Variants in BRCC3 observed in about 807,000 individuals in gnomAD.
BRCC3 encodes the protein lys-63-specific deubiquitinase BRCC36.
Under a neutral mutation model 28.0 loss-of-function variants are expected in BRCC3, and 15 were observed. That is an observed-to-expected ratio of 0.54 (90% CI 0.36 to 0.82). The LOEUF is 0.82. Among genes scored for constraint, BRCC3 ranks in the 40% least tolerant of loss-of-function variants. The probability of loss-of-function intolerance (pLI) is 0.01; values close to 1 mark genes in which losing one functional copy is unlikely to be tolerated. For synonymous variants in BRCC3, 66 were observed against 80.3 expected, an observed-to-expected ratio of 0.82 and a Z score of 0.95; for missense variants, 109 against 225.9, an observed-to-expected ratio of 0.48 and a Z score of 3.32.
chrX:155,086,533 A>G (rs1557294906), intron 5 of BRCC3, among the ~76,000 whole-genome samples: 1 of 106,227 alleles, frequency 9.4e-6, no homozygotes. Flanking sequence ...TTTTTTTTGC[A>G]TTTTGAGTAG....
At chrX:155,098,558 G>A (rs1285634008) in intron 7 of BRCC3, among the ~76,000 whole-genome samples, 2 of 111,934 alleles carry the variant, frequency 1.8e-5, no homozygotes, top group Non-Finnish European at 3.8e-5. Context: ...TGTAAATCAC[G>A]TTTTATTGGA....
At chrX:155,080,447 C>T (rs1738428717) in intron 5 of BRCC3, among the ~76,000 whole-genome samples, 1 of 75,288 alleles carries the variant, frequency 1.3e-5, no homozygotes, top group Non-Finnish European at 2.5e-5. Context: ...GGGAACATTT[C>T]AATCTTTATA....
chrX:155,098,256 G>T (rs782587455), intron 7 of BRCC3, among the ~76,000 whole-genome samples: 1 of 112,030 alleles, frequency 8.9e-6, no homozygotes, highest in Non-Finnish European at 1.9e-5. Context: ...TAGTAAGGCA[G>T]TTCTGATGTT....
intron 5 of BRCC3, 157 bp downstream of exon 5, chrX:155,078,860 AT>A: frequency 2.6e-6 from 1 of 388,364 alleles, no homozygotes; most frequent in Non-Finnish European, 4.5e-6. Context: ...AAAAGTAATG[AT>A]TTATGTCATA....
In BRCC3 at chrX:155,089,355, TTG is replaced by T; in HGVS notation, c.492+11_492+12del. On this transcript the variant is annotated splice_donor_5th_base_variant and intron_variant, in intron 6 of 10. Coordinates refer to ENST00000330045, the MANE Select transcript of BRCC3 (RefSeq NM_001018055.3). Reference sequence around the variant, plus strand: ...CATAGAAGATAAGAACACAAAGGTATTGTGTGTGCATGTGTGTGTGTGTGTGT... The same window carrying T: ...CATAGAAGATAAGAACACAAAGGTATTGTGTGCATGTGTGTGTGTGTGTGT... 1 of 1,109,466 alleles carries T rather than the reference TTG, an allele frequency of 9.0e-7. No homozygotes were observed. Among genetic ancestry groups the T allele is most frequent in the Non-Finnish European group, 1.2e-6 (1 of 819,177 alleles). 91.4% of individuals were successfully genotyped at this position (1,109,466 alleles called of 1,213,427 possible). A position where few individuals can be genotyped will look rare whatever the true frequency, so the allele number is the denominator to read the frequency against.
At chrX:155,115,480 G>C (rs1446925955) in intron 7 of BRCC3, among the ~76,000 whole-genome samples, 1 of 112,253 alleles carries the variant, frequency 8.9e-6, no homozygotes, top group Non-Finnish European at 1.9e-5. Flanking sequence ...GAGGTAGATT[G>C]GTTGGGCCTT....
chrX:155,075,725 T>C (rs1557293530), intron 3 of BRCC3, among the ~76,000 whole-genome samples: 1 of 112,499 alleles, frequency 8.9e-6, no homozygotes, highest in African/African-American at 3.2e-5. Flanking sequence ...AGTACTTCAT[T>C]GTTACTTCAT....
At chrX:155,112,917 TA>T (rs782475869) in intron 7 of BRCC3, among the ~76,000 whole-genome samples, 1 of 111,126 alleles carries the variant, frequency 9.0e-6, no homozygotes, top group African/African-American at 3.3e-5. Flanking sequence ...ATAAAATAAT[TA>T]GGCATAAACT....
intron 9 of BRCC3, among the ~76,000 whole-genome samples, 192 bp downstream of exon 9, chrX:155,116,946 A>G (rs1465874548): frequency 1.8e-5 from 2 of 111,866 alleles, no homozygotes; most frequent in African/African-American, 3.3e-5. Context: ...GAATACTATA[A>G]ATACAGCCTA....
At chrX:155,109,509 T>G (rs782717350) in intron 7 of BRCC3, among the ~76,000 whole-genome samples, 1 of 112,217 alleles carries the variant, frequency 8.9e-6, no homozygotes, top group South Asian at 3.6e-4. Context: ...ATTTAAATTA[T>G]TCTTGGGAAT....
At chrX:155,103,103 C>T (rs1198958314) in intron 7 of BRCC3, among the ~76,000 whole-genome samples, 14 of 112,502 alleles carry the variant, frequency 1.2e-4, no homozygotes, top group Admixed American at 3.7e-4. Context: ...CTAGTTCATA[C>T]GTAGTATAAG....
chrX:155,110,094 T>C (rs1345708670), intron 7 of BRCC3, among the ~76,000 whole-genome samples: 4 of 111,963 alleles, frequency 3.6e-5, no homozygotes, highest in Non-Finnish European at 7.6e-5. Context: ...ATATTATCTC[T>C]TTAGTGTATT....
chrX:155,106,285 T>G (rs1246692928), intron 7 of BRCC3, among the ~76,000 whole-genome samples: 1 of 111,868 alleles, frequency 8.9e-6, no homozygotes, highest in Non-Finnish European at 1.9e-5. Flanking sequence ...TTCTATTACA[T>G]CCTCTGTTTT....
intron 5 of BRCC3, among the ~76,000 whole-genome samples, chrX:155,087,375 A>G (rs1227093936): frequency 8.9e-6 from 1 of 112,345 alleles, no homozygotes; most frequent in Non-Finnish European, 1.9e-5. Context: ...TAGCCAGTGG[A>G]CGGGCAGGGT....
At chrX:155,075,755 AT>A (rs1381966323) in intron 3 of BRCC3, among the ~76,000 whole-genome samples, 1 of 111,728 alleles carries the variant, frequency 9.0e-6, no homozygotes, top group Non-Finnish European at 1.9e-5. Context: ...ATCTGAAATA[AT>A]TTTTTTTCCT....
intron 5 of BRCC3, among the ~76,000 whole-genome samples, chrX:155,080,483 A>G (rs964152283): frequency 3.6e-5 from 4 of 110,606 alleles, no homozygotes; most frequent in Non-Finnish European, 7.6e-5. Context: ...AAAAAGGGAT[A>G]CTGCAGAAAG....
intron 7 of BRCC3, among the ~76,000 whole-genome samples, chrX:155,096,401 A>G (rs1043712867): frequency 2.7e-5 from 3 of 112,508 alleles, no homozygotes; most frequent in Non-Finnish European, 3.7e-5. Context: ...TAAAATGGTT[A>G]ATTTTATGTT....
At chrX:155,077,091 A>G in intron 3 of BRCC3, 79 bp from the exon 4 acceptor site, 2 of 882,357 alleles carry the variant, frequency 2.3e-6, no homozygotes, top group Non-Finnish European at 3.0e-6. Flanking sequence ...ATATTATAAT[A>G]AAATGCAATT....
chrX:155,075,239 TCA>T lies in BRCC3; in HGVS notation c.195+1809_195+1810del, dbSNP rs1557293307. Among the ~76,000 whole-genome samples, 53 of 54,838 alleles carry T rather than the reference TCA, an allele frequency of 9.7e-4. No individual in the cohort carries two copies. In the African/African-American group the frequency reaches 0.017, roughly 18 times the overall value. The allele number at this position is 54,838 out of a possible 115,157, so 47.6% of individuals were successfully genotyped here. On this transcript the variant is annotated intron_variant, in intron 3 of 10. Transcript: ENST00000330045. Reference sequence around the variant, plus strand: ...TATAGCTTGTTTCAAAAGCCTTCTCTCAGATTTCACCCTTGTCCCTTCAACAT... The same window carrying T: ...TATAGCTTGTTTCAAAAGCCTTCTCTGATTTCACCCTTGTCCCTTCAACAT...
Sources: allele counts gnomAD v4.1 joint callset (sites outside exome capture counted in the v4.1 genomes callset), GRCh38; gene constraint gnomAD v4.1.1; transcripts MANE v1.5; gene names NCBI Gene and HGNC (gene_info 2026-07-23, HGNC 2026-07-21).